TMEM123: variants seen among roughly 807,000 people sequenced by gnomAD.
TMEM123 encodes the protein porimin.
In TMEM123, 16 loss-of-function variants were observed where a neutral mutation model predicts 19.7. The ratio of observed to expected loss-of-function variants is 0.81; its 90% CI spans 0.55 to 1.23. TMEM123 has a LOEUF of 1.23. TMEM123 is among the 50% of genes most tolerant of loss of function. The pLI is 0.00. For missense variants in TMEM123, 313 were observed against 257.8 expected, an observed-to-expected ratio of 1.21 and a Z score of -1.47; for synonymous variants, 118 against 99.4, an observed-to-expected ratio of 1.19 and a Z score of -1.12.
chr11:102,402,917 A>G (rs930001984), intron 2 of TMEM123, among the ~76,000 whole-genome samples: 4 of 152,222 alleles, frequency 2.6e-5, no homozygotes, highest in African/African-American at 4.8e-5. Flanking sequence ...AACTCAAACA[A>G]TACCTTTGCT....
intron 4 of TMEM123, among the ~76,000 whole-genome samples, chr11:102,399,258 A>C (rs960750621): frequency 2.0e-5 from 3 of 152,222 alleles, no homozygotes; most frequent in Non-Finnish European, 4.4e-5. Flanking sequence ...AGCCTGGGCA[A>C]AACAGTGAGA....
intron 2 of TMEM123, among the ~76,000 whole-genome samples, chr11:102,430,292 A>T (rs1193526397): frequency 6.6e-6 from 1 of 152,248 alleles, no homozygotes; most frequent in Non-Finnish European, 1.5e-5. Context: ...TAGCATTCGC[A>T]TATCCTTTAC....
intron 4 of TMEM123, among the ~76,000 whole-genome samples, chr11:102,400,801 C>G (rs901439558): frequency 6.6e-6 from 1 of 152,218 alleles, no homozygotes; most frequent in Non-Finnish European, 1.5e-5. Flanking sequence ...TCTTGGACTT[C>G]CAAGCCTCCG....
chr11:102,410,449 A>G (rs983248826), intron 2 of TMEM123, among the ~76,000 whole-genome samples: 3 of 151,680 alleles, frequency 2.0e-5, no homozygotes, highest in Non-Finnish European at 4.4e-5. Flanking sequence ...CGCTTTTCCC[A>G]TAGGTCTTGC....
Position 102,401,912 on chromosome 11 carries a change from ATACT to A in TMEM123, c.448_448+3del. On this transcript the variant is annotated splice_donor_variant and splice_donor_region_variant and coding_sequence_variant and intron_variant, in exon 3 of 5. Coordinates refer to ENST00000398136, the MANE Select transcript of TMEM123 (RefSeq NM_052932.3). LOFTEE classifies it high-confidence loss of function. ...GGAAAAAAAAGGTCAGCTTTAATAC[ATACT>A]TGTTACTGATGAAGCAGCAGATGTC... 6.2e-7 allele frequency: 1 copy of A among 1,612,846 alleles called. No individual in the cohort carries two copies. Among genetic ancestry groups the A allele is most frequent in the East Asian group, 2.2e-5 (1 of 44,882 alleles).
At chr11:102,425,979 T>C (rs1952123255) in intron 2 of TMEM123, among the ~76,000 whole-genome samples, 1 of 152,210 alleles carries the variant, frequency 6.6e-6, no homozygotes, top group South Asian at 2.1e-4. Context: ...ACTATAGTTA[T>C]TTTTGTTCTT....
intron 2 of TMEM123, among the ~76,000 whole-genome samples, chr11:102,441,644 A>G (rs1857827339): frequency 6.6e-6 from 1 of 152,156 alleles, no homozygotes; most frequent in African/African-American, 2.4e-5. Flanking sequence ...CTAGAGAAGC[A>G]AGAGCAAACA....
At chr11:102,449,004 G>A in intron 1 of TMEM123, 136 bp from the exon 2 acceptor site, 1 of 822,252 alleles carries the variant, frequency 1.2e-6, no homozygotes, top group Admixed American at 2.1e-5. Flanking sequence ...TTCTACTTTG[G>A]CCCCTGTTGT....
At chr11:102,435,659 A>C (rs952679701) in intron 2 of TMEM123, among the ~76,000 whole-genome samples, 6 of 151,968 alleles carry the variant, frequency 3.9e-5, no homozygotes, top group Non-Finnish European at 7.4e-5. Flanking sequence ...CATAATATCA[A>C]AAGGTGGAAC....
intron 2 of TMEM123, among the ~76,000 whole-genome samples, chr11:102,410,040 A>G (rs1565348604): frequency 6.6e-6 from 1 of 152,254 alleles, no homozygotes; most frequent in African/African-American, 2.4e-5. Context: ...AAACAATTGT[A>G]TATGATCACA....
chr11:102,416,286 G>C (rs929880908), intron 2 of TMEM123, among the ~76,000 whole-genome samples: 5 of 152,128 alleles, frequency 3.3e-5, no homozygotes, highest in African/African-American at 1.2e-4. Context: ...AAAAAAGAGA[G>C]AAGAGCCAAA....
chr11:102,428,582 C>T (rs1416300728), intron 2 of TMEM123, among the ~76,000 whole-genome samples: 1 of 151,456 alleles, frequency 6.6e-6, no homozygotes, highest in African/African-American at 2.4e-5. Context: ...GCTGGGATTA[C>T]AGGTGTAAGC....
rs2135839280 is a variant in TMEM123 at position 102,398,846 on chromosome 11, A to T, written c.*21T>A. The T allele has an allele frequency of 6.2e-7, 1 of 1,610,568 alleles. No individual in the cohort carries two copies. The highest frequency in any genetic ancestry group is 1.1e-5 in the South Asian group (1 of 90,080). ...ATAGGGCAGCATCAATCTGTATTCCATCCTTGGTCCATGGATTTCCTTAAA... is the reference window on the plus strand; with the variant it reads ...ATAGGGCAGCATCAATCTGTATTCCTTCCTTGGTCCATGGATTTCCTTAAA... On this transcript the variant is annotated 3_prime_UTR_variant, in exon 5 of 5. Coordinates refer to ENST00000398136, the MANE Select transcript of TMEM123 (RefSeq NM_052932.3).
intron 2 of TMEM123, among the ~76,000 whole-genome samples, chr11:102,425,760 T>C (rs923338922): frequency 6.6e-6 from 1 of 151,794 alleles, no homozygotes; most frequent in Non-Finnish European, 1.5e-5. Context: ...ATTTTTGTAT[T>C]TTTTGTGGAG....
At chr11:102,444,783 T>C (rs1220561153) in intron 2 of TMEM123, among the ~76,000 whole-genome samples, 1 of 151,842 alleles carries the variant, frequency 6.6e-6, no homozygotes, top group East Asian at 2.0e-4. Context: ...TGTCCATCAA[T>C]GATAGACTGG....
chr11:102,428,117 G>A (rs549061596), intron 2 of TMEM123, among the ~76,000 whole-genome samples: 2 of 152,192 alleles, frequency 1.3e-5, no homozygotes, highest in South Asian at 4.1e-4. Context: ...TCCTGGGAGT[G>A]TGAGTCTATC....
chr11:102,417,294 A>G (rs530834325), intron 2 of TMEM123, among the ~76,000 whole-genome samples: 33 of 152,316 alleles, frequency 2.2e-4, no homozygotes, highest in African/African-American at 7.5e-4. Context: ...CAATTTCAGC[A>G]AAGTTTCGGG....
chr11:102,448,734 T>G, intron 2 of TMEM123, 78 bp downstream of exon 2: 1 of 1,417,730 alleles, frequency 7.1e-7, no homozygotes, highest in Non-Finnish European at 9.9e-7. Context: ...AACCAGCTTA[T>G]GCCTACTTCC....
At chr11:102,411,252 G>A (rs1033462111) in intron 2 of TMEM123, among the ~76,000 whole-genome samples, 1 of 152,146 alleles carries the variant, frequency 6.6e-6, no homozygotes, top group Non-Finnish European at 1.5e-5. Context: ...CCTGTACTGA[G>A]ATCTGAGGGG....
Sources: allele counts gnomAD v4.1 joint callset (sites outside exome capture counted in the v4.1 genomes callset), GRCh38; gene constraint gnomAD v4.1.1; transcripts MANE v1.5; gene names NCBI Gene and HGNC (gene_info 2026-07-23, HGNC 2026-07-21).